The following DHRSX variants were observed in gnomAD, a reference collection of about 807,000 sequenced individuals.
DHRSX encodes the protein polyprenol dehydrogenase.
In DHRSX, 31 loss-of-function variants were observed where a neutral mutation model predicts 34.0. The observed-to-expected ratio is 0.91, with a 90% CI of 0.69 to 1.23. The LOEUF is 1.23. Ranked by LOEUF, DHRSX falls within the 50% of genes most tolerant of loss-of-function variation. The probability of loss-of-function intolerance (pLI) is 0.00; values close to 1 mark genes in which losing one functional copy is unlikely to be tolerated. For synonymous variants in DHRSX, 201 were observed against 183.8 expected, an observed-to-expected ratio of 1.09 and a Z score of -0.76; for missense variants, 414 against 428.1, an observed-to-expected ratio of 0.97 and a Z score of 0.29.
chrX:2,271,468 C>G (rs2041553603), intron 4 of DHRSX, among the ~76,000 whole-genome samples: 1 of 152,166 alleles, frequency 6.6e-6, no homozygotes, highest in African/African-American at 2.4e-5. Flanking sequence ...TTGCTTCTCA[C>G]CTGCACACAC....
chrX:2,323,069 G>GCCAGCCA (rs1303864556), intron 3 of DHRSX, among the ~76,000 whole-genome samples: 2 of 151,874 alleles, frequency 1.3e-5, no homozygotes, highest in African/African-American at 4.8e-5. Context: ...GATTACAGGC[G>GCCAGCCA]CCACACCCAG....
intron 3 of DHRSX, among the ~76,000 whole-genome samples, chrX:2,379,765 A>C (rs1008540436): frequency 3.3e-5 from 5 of 151,964 alleles, no homozygotes; most frequent in Admixed American, 6.6e-5. Flanking sequence ...CCGAAACAAA[A>C]ATGATGTCTG....
At chrX:2,223,503 G>A (rs1457197333) in intron 6 of DHRSX, among the ~76,000 whole-genome samples, 6 of 152,110 alleles carry the variant, frequency 3.9e-5, no homozygotes, top group South Asian at 2.1e-4. Context: ...GGATGCAGGC[G>A]CCATGGCTTG....
Position 2,381,797 on chromosome X carries a change from C to CAAAAAAAAAAAAAAAAAAAA in DHRSX, c.286+26928_286+26947dup, listed in dbSNP as rs767319246. Among the ~76,000 whole-genome samples the CAAAAAAAAAAAAAAAAAAAA allele has an allele frequency of 4.9e-5, 4 of 81,614 alleles. 1 individual carries two copies. The highest frequency in any genetic ancestry group is 1.5e-4 in the African/African-American group (3 of 20,132). 53.5% of individuals were successfully genotyped at this position (81,614 alleles called of 152,430 possible). A position where few individuals can be genotyped will look rare whatever the true frequency, so the allele number is the denominator to read the frequency against. On this transcript the variant is annotated intron_variant, in intron 3 of 6. Coordinates refer to ENST00000334651, the MANE Select transcript of DHRSX (RefSeq NM_145177.3). Reference sequence around the variant, plus strand: ...ATCCCCGTTCTCAGGAAGCCACAACCAAAAAAAAAAAAAAAAAAAAAAAGC... The same window carrying CAAAAAAAAAAAAAAAAAAAA: ...ATCCCCGTTCTCAGGAAGCCACAACCAAAAAAAAAAAAAAAAAAAAAAAAAAAAAAAAAAAAAAAAAAAGC...
chrX:2,467,026 T>C (rs1431410239), intron 1 of DHRSX, among the ~76,000 whole-genome samples: 2 of 149,916 alleles, frequency 1.3e-5, no homozygotes, highest in African/African-American at 4.9e-5. Flanking sequence ...GATCGCGCCA[T>C]TGCACTCCAG....
intron 4 of DHRSX, among the ~76,000 whole-genome samples, chrX:2,283,123 A>G (rs1203801482): frequency 2.6e-5 from 4 of 151,926 alleles, no homozygotes; most frequent in African/African-American, 4.8e-5. Flanking sequence ...TTCTCAACCC[A>G]CTTCCTAGAA....
intron 1 of DHRSX, among the ~76,000 whole-genome samples, chrX:2,426,226 T>C (rs1569499865): frequency 6.6e-6 from 1 of 152,186 alleles, no homozygotes; most frequent in East Asian, 1.9e-4. Context: ...GTTTGCTTCA[T>C]AGCTGCTGGT....
intron 3 of DHRSX, among the ~76,000 whole-genome samples, chrX:2,398,979 A>C (rs2043449180): frequency 6.6e-6 from 1 of 152,040 alleles, no homozygotes; most frequent in Non-Finnish European, 1.5e-5. Context: ...CAGCCTCCCG[A>C]GTAGCTGGGA....
intron 1 of DHRSX, among the ~76,000 whole-genome samples, chrX:2,469,893 A>T (rs2044562731): frequency 6.6e-6 from 1 of 152,136 alleles, no homozygotes; most frequent in South Asian, 2.1e-4. Flanking sequence ...CAGACATCCC[A>T]CCACTGGGTG....
At chrX:2,323,227 A>C (rs2042334840) in intron 3 of DHRSX, among the ~76,000 whole-genome samples, 1 of 152,200 alleles carries the variant, frequency 6.6e-6, no homozygotes, top group Non-Finnish European at 1.5e-5. Context: ...CAGGTAGCCA[A>C]GCGCCATAGC....
At chrX:2,359,503 C>T (rs1168573689) in intron 3 of DHRSX, among the ~76,000 whole-genome samples, 1 of 152,004 alleles carries the variant, frequency 6.6e-6, no homozygotes, top group African/African-American at 2.4e-5. Flanking sequence ...CATGGTGAAA[C>T]CCCGTCTCTA....
chrX:2,473,797 G>A lies in DHRSX; in HGVS notation c.109+27020C>T, dbSNP rs780004241. On this transcript the variant is annotated intron_variant, in intron 1 of 6. Coordinates refer to ENST00000334651, the MANE Select transcript of DHRSX (RefSeq NM_145177.3). ...CACTAGAAGTCTCTGATAGGATGGG[G>A]GCATCTCCAGAAATCCAAAGATTCA... 1.7e-4 allele frequency among the ~76,000 whole-genome samples: 23 copies of A among 139,304 alleles called. 3 individuals are homozygous for A. The highest frequency in any genetic ancestry group is 1.3e-3 in the Admixed American group (19 of 14,514). 91.4% of individuals were successfully genotyped at this position (139,304 alleles called of 152,430 possible).
chrX:2,441,788 C>A (rs1410598118), intron 1 of DHRSX, among the ~76,000 whole-genome samples: 2 of 152,160 alleles, frequency 1.3e-5, no homozygotes, highest in Non-Finnish European at 2.9e-5. Context: ...TAAAGACTCA[C>A]ACGGCTGGGC....
intron 1 of DHRSX, among the ~76,000 whole-genome samples, chrX:2,466,659 T>C (rs4892913): frequency 0.044 from 6,701 of 151,782 alleles, 254 homozygotes; most frequent in South Asian, 0.16. Context: ...AATGAGAGGA[T>C]CGAAAAACTA....
intron 3 of DHRSX, among the ~76,000 whole-genome samples, chrX:2,382,328 A>G (rs1336250387): frequency 6.6e-6 from 1 of 152,174 alleles, no homozygotes; most frequent in Non-Finnish European, 1.5e-5. Flanking sequence ...TGCAAGCCAC[A>G]GAGACTTGGG....
At chrX:2,332,642 C>T (rs1218513762) in intron 3 of DHRSX, among the ~76,000 whole-genome samples, 1 of 151,594 alleles carries the variant, frequency 6.6e-6, no homozygotes, top group African/African-American at 2.4e-5. Context: ...CCTCCAGTCA[C>T]TCTGCCAGGT....
At chrX:2,370,590 G>GAA (rs59435030) in intron 3 of DHRSX, among the ~76,000 whole-genome samples, 31 of 132,674 alleles carry the variant, frequency 2.3e-4, no homozygotes, top group African/African-American at 6.3e-4. Flanking sequence ...TGGTTTTACT[G>GAA]AAAAAAAAAA....
chrX:2,257,183 T>C (rs1569480606), intron 5 of DHRSX, among the ~76,000 whole-genome samples: 1 of 152,230 alleles, frequency 6.6e-6, no homozygotes, highest in Non-Finnish European at 1.5e-5. Flanking sequence ...CTTGAACTCC[T>C]GACCTTGTGA....
At position 2,368,625 on chromosome X, in the gene DHRSX, G is replaced by A. The variant is rs181742520; in HGVS notation, c.286+40120C>T. Among the ~76,000 whole-genome samples the A allele has an allele frequency of 9.2e-5, 14 of 152,190 alleles. No individual in the cohort carries two copies. The South Asian group carries it at 1.5e-3, about 16-fold the overall frequency. On this transcript the variant is annotated intron_variant, in intron 3 of 6. Transcript: ENST00000334651. ...AGCAGTTTGGGAGGCCAAGGAGGGC[G>A]GATCACTTGAGGTCAGGAGTTCAAG...
Sources: allele counts gnomAD v4.1 joint callset (sites outside exome capture counted in the v4.1 genomes callset), GRCh38; gene constraint gnomAD v4.1.1; transcripts MANE v1.5; gene names NCBI Gene and HGNC (gene_info 2026-07-23, HGNC 2026-07-21).